ZNF704: variants seen among roughly 807,000 people sequenced by gnomAD.
The protein encoded by ZNF704 is zinc finger protein 704.
In ZNF704, 10 loss-of-function variants were observed where a neutral mutation model predicts 44.7. The ratio of observed to expected loss-of-function variants is 0.22; its 90% CI spans 0.14 to 0.38. The LOEUF is 0.38. Ranked by LOEUF, ZNF704 falls within the 10% of genes least tolerant of loss-of-function variation. The pLI is 1.00. For missense variants in ZNF704, 390 were observed against 545.5 expected (o/e 0.71, Z 2.84); for synonymous variants, 211 against 207.6 (o/e 1.02, Z -0.14).
intron 2 of ZNF704, among the ~76,000 whole-genome samples, chr8:80,782,616 G>A (rs1807547065): frequency 6.6e-6 from 1 of 152,164 alleles, no homozygotes; most frequent in Admixed American, 6.5e-5. Flanking sequence ...ATATACAATA[G>A]TAGGAATGGT....
intron 1 of ZNF704, among the ~76,000 whole-genome samples, chr8:80,827,621 C>A (rs1808400491): frequency 6.6e-6 from 1 of 152,132 alleles, no homozygotes; most frequent in Middle Eastern, 3.2e-3. Flanking sequence ...CAAGTCAATC[C>A]TAAGCCAAAA....
At chr8:80,760,654 C>CA (rs1156753093) in intron 2 of ZNF704, among the ~76,000 whole-genome samples, 3,099 of 58,542 alleles carry the variant, frequency 0.053, 69 homozygotes, top group Non-Finnish European at 0.072. Context: ...GACTCCATCT[C>CA]AAAAAAAAAA....
rs1170796927 is a variant in ZNF704 at position 80,641,266 on chromosome 8, A to G, written c.*100T>C. The stretch of plus-strand genomic sequence containing the variant: ...CCTGAAAGGGCTTTTCCTGGCTTCA[A>G]CTGTGTTTTATTCAGTAGGAAAAGC... On this transcript the variant is annotated 3_prime_UTR_variant, in exon 9 of 9. Transcript: ENST00000327835. The G allele has an allele frequency of 1.7e-5, 12 of 701,962 alleles. No individual in the cohort carries two copies. The highest frequency in any genetic ancestry group is 5.2e-5 in the South Asian group (2 of 38,358). 43.5% of individuals were successfully genotyped at this position (701,962 alleles called of 1,614,324 possible). A position where few individuals can be genotyped will look rare whatever the true frequency, so the allele number is the denominator to read the frequency against.
chr8:80,716,630 C>G (rs1819076259), intron 2 of ZNF704, among the ~76,000 whole-genome samples: 1 of 152,196 alleles, frequency 6.6e-6, no homozygotes, highest in African/African-American at 2.4e-5. Context: ...ATTGCATGTT[C>G]AGAAAACTTC....
chr8:80,849,156 A>G lies in ZNF704; in HGVS notation c.-22+25415T>C, dbSNP rs141117362. The stretch of plus-strand genomic sequence containing the variant: ...AAATATAATAAGAACTCAGTGAAAA[A>G]TGCATAGACTTGTTTCTCACCAAAT... On this transcript the variant is annotated intron_variant, in intron 1 of 8. Coordinates refer to ENST00000327835, the MANE Select transcript of ZNF704 (RefSeq NM_001033723.3). Among the ~76,000 whole-genome samples the G allele has an allele frequency of 2.0e-5, 3 of 152,324 alleles. No homozygotes were observed. The East Asian group carries it at 5.8e-4, about 29-fold the overall frequency.
chr8:80,671,471 A>G (rs967321541), intron 4 of ZNF704, among the ~76,000 whole-genome samples: 1 of 152,258 alleles, frequency 6.6e-6, no homozygotes, highest in African/African-American at 2.4e-5. Flanking sequence ...CAGCATTATT[A>G]TGAGGATTAA....
At chr8:80,852,393 C>G (rs895764472) in intron 1 of ZNF704, among the ~76,000 whole-genome samples, 2 of 152,118 alleles carry the variant, frequency 1.3e-5, no homozygotes, top group African/African-American at 4.8e-5. Flanking sequence ...AGTTTCTACC[C>G]CTTTTGACTG....
chr8:80,709,701 T>C (rs1054405227), intron 2 of ZNF704, among the ~76,000 whole-genome samples: 1 of 152,078 alleles, frequency 6.6e-6, no homozygotes, highest in African/African-American at 2.4e-5. Flanking sequence ...CCCGAGGCAA[T>C]GGGGCATCCT....
intron 1 of ZNF704, among the ~76,000 whole-genome samples, chr8:80,866,931 G>A (rs1275322807): frequency 6.6e-6 from 1 of 152,082 alleles, no homozygotes; most frequent in Non-Finnish European, 1.5e-5. Context: ...GGAGGCAGGG[G>A]GTAAGCAGAT....
intron 4 of ZNF704, among the ~76,000 whole-genome samples, chr8:80,686,436 C>T (rs1425398077): frequency 1.3e-5 from 2 of 152,204 alleles, no homozygotes; most frequent in Admixed American, 6.5e-5. Flanking sequence ...GACTGGAGTG[C>T]AGTGGCCAGA....
chr8:80,670,929 T>G (rs904659549), intron 4 of ZNF704, among the ~76,000 whole-genome samples: 1 of 152,196 alleles, frequency 6.6e-6, no homozygotes, highest in Non-Finnish European at 1.5e-5. Flanking sequence ...CTGTCTTAAG[T>G]GTTTATCTCC....
At chr8:80,842,039 C>T (rs1345387448) in intron 1 of ZNF704, among the ~76,000 whole-genome samples, 4 of 152,184 alleles carry the variant, frequency 2.6e-5, no homozygotes, top group Non-Finnish European at 5.9e-5. Flanking sequence ...TCAAATGATC[C>T]TCTTGCCTCT....
intron 2 of ZNF704, among the ~76,000 whole-genome samples, chr8:80,701,080 C>T (rs971486064): frequency 1.3e-5 from 2 of 152,102 alleles, no homozygotes; most frequent in Non-Finnish European, 1.5e-5. Flanking sequence ...TACCAGCATC[C>T]CTGAATCCCT....
chr8:80,763,130 G>A (rs1807159636), intron 2 of ZNF704, among the ~76,000 whole-genome samples: 1 of 152,186 alleles, frequency 6.6e-6, no homozygotes, highest in Non-Finnish European at 1.5e-5. Context: ...TTTTCTAGGT[G>A]CACGGTGCCA....
Position 80,634,019 on chromosome 8 carries a change from T to C in ZNF704, c.*7347A>G, listed in dbSNP as rs183079472. The C allele has an allele frequency of 6.6e-6, 1 of 152,284 alleles. No individual in the cohort carries two copies. The allele number at this position is 152,284 out of a possible 1,614,324, so 9.4% of individuals were successfully genotyped here. On this transcript the variant is annotated 3_prime_UTR_variant, in exon 9 of 9. Transcript: ENST00000327835. The stretch of plus-strand genomic sequence containing the variant: ...TTCTGCTGTATCAGAGGTGAAGCAG[T>C]GGTAATTTTACTTGGTAACGAAGAC...
intron 2 of ZNF704, among the ~76,000 whole-genome samples, chr8:80,715,728 G>A (rs898834827): frequency 7.2e-5 from 11 of 152,090 alleles, no homozygotes; most frequent in African/African-American, 2.7e-4. Context: ...GAGTGGGGCT[G>A]GGGCACTGAT....
chr8:80,644,422 A>AT (rs1817794747), intron 7 of ZNF704, among the ~76,000 whole-genome samples: 1 of 151,978 alleles, frequency 6.6e-6, no homozygotes, highest in Non-Finnish European at 1.5e-5. Context: ...CAACAAATTA[A>AT]TTTTTTTAAC....
At chr8:80,785,914 A>G (rs536474285) in intron 2 of ZNF704, among the ~76,000 whole-genome samples, 3 of 152,304 alleles carry the variant, frequency 2.0e-5, no homozygotes, top group African/African-American at 7.2e-5. Context: ...GCAAGAAAAT[A>G]TATGTGTGCA....
intron 1 of ZNF704, among the ~76,000 whole-genome samples, chr8:80,868,035 G>A (rs1219748821): frequency 1.3e-5 from 2 of 152,156 alleles, no homozygotes; most frequent in Non-Finnish European, 2.9e-5. Context: ...CAGGATTGCA[G>A]AGCACAGCCC....
Sources: gnomAD v4.1 joint callset for allele counts (sites outside exome capture counted in the v4.1 genomes callset) on GRCh38, gnomAD v4.1.1 for gene constraint, MANE v1.5 for transcripts, NCBI Gene and HGNC (gene_info 2026-07-23, HGNC 2026-07-21) for gene names.